DHX8: variants seen among roughly 807,000 people sequenced by gnomAD.
The protein encoded by DHX8 is ATP-dependent RNA helicase DHX8.
In DHX8, 67 loss-of-function variants were observed where a neutral mutation model predicts 140.7. The ratio of observed to expected loss-of-function variants is 0.48; its 90% CI spans 0.39 to 0.58. DHX8 has a LOEUF of 0.58. Among genes scored for constraint, DHX8 ranks in the 20% least tolerant of loss-of-function variants. The pLI is 0.00. For missense variants in DHX8, 887 were observed against 1,550.7 expected (o/e 0.57, Z 7.19); for synonymous variants, 533 against 553.2 (o/e 0.96, Z 0.51).
chr17:43,524,072 G>C lies in DHX8; in HGVS notation c.*225G>C. The C allele has an allele frequency of 1.4e-6, 2 of 1,396,248 alleles. No homozygotes were observed. Among genetic ancestry groups the C allele is most frequent in the Non-Finnish European group, 1.9e-6 (2 of 1,075,700 alleles). 86.5% of individuals were successfully genotyped at this position (1,396,248 alleles called of 1,614,324 possible). On this transcript the variant is annotated 3_prime_UTR_variant, in exon 23 of 23. Coordinates refer to ENST00000262415, the MANE Select transcript of DHX8 (RefSeq NM_004941.3). ...CCATCACCCCAAGTCCTTGGGCCCA[G>C]TTGGGAGCTCATATCTAACACAGAG...
At chr17:43,530,537 C>A (rs1017504812), downstream of DHX8, 5 of 819,718 alleles carry the variant, frequency 6.1e-6, no homozygotes, top group African/African-American at 8.7e-5. Flanking sequence ...TCGGTGTCCA[C>A]GCCTAAGACT....
intron 1 of DHX8, among the ~76,000 whole-genome samples, chr17:43,485,151 G>C (rs1968064169): frequency 6.6e-6 from 1 of 152,190 alleles, no homozygotes; most frequent in Non-Finnish European, 1.5e-5. Context: ...AGTTGTAACA[G>C]GAGCGAGGAC....
chr17:43,493,983 G>T, intron 8 of DHX8, 97 bp downstream of exon 8: 1 of 1,277,204 alleles, frequency 7.8e-7, no homozygotes, highest in Non-Finnish European at 1.1e-6. Context: ...GATAACTTTT[G>T]GCCACTGTAT....
In DHX8 at chr17:43,524,394, A is replaced by T; in HGVS notation, c.*547A>T. On this transcript the variant is annotated 3_prime_UTR_variant, in exon 23 of 23. Coordinates refer to ENST00000262415, the MANE Select transcript of DHX8 (RefSeq NM_004941.3). ...CCTGGGCTCAGGGTGAGGGAGATTTAGTATCTGTGCTCTGGCACACATGAT... is the reference window on the plus strand; with the variant it reads ...CCTGGGCTCAGGGTGAGGGAGATTTTGTATCTGTGCTCTGGCACACATGAT... The T allele has an allele frequency of 1.0e-6, 1 of 991,894 alleles. No individual in the cohort carries two copies. The highest frequency in any genetic ancestry group is 1.2e-6 in the Non-Finnish European group (1 of 833,994). 61.4% of individuals were successfully genotyped at this position (991,894 alleles called of 1,614,324 possible).
At chr17:43,529,681 G>GACAACGCA, downstream of DHX8, 1 of 1,605,000 alleles carries the variant, frequency 6.2e-7, no homozygotes, top group African/African-American at 1.3e-5. Context: ...TGTCTCCTGG[G>GACAACGCA]GAACACGAAA....
chr17:43,493,573 C>G lies in DHX8; in HGVS notation c.992C>G (p.Thr331Ser), dbSNP rs774205130. 1 of 1,614,144 alleles carries G rather than the reference C, an allele frequency of 6.2e-7. No homozygotes were observed. Among genetic ancestry groups the G allele is most frequent in the South Asian group, 1.1e-5 (1 of 91,092 alleles). The part of the protein sequence containing the change: ...VKVLSFTGTK[T>S]SLSMKDVDQE... ...GTGCTGTCCTTCACTGGGACCAAGA[C>G]CAGCCTGAGCATGAAGGTAGGTGAG... The change falls in exon 7 of 23, where the codon ACC (threonine) becomes AGC (serine). Residue 331 changes from threonine to serine, a missense_variant. By Grantham distance (58) the Thr-to-Ser change is moderately conservative (BLOSUM62 1). Coordinates refer to ENST00000262415, the MANE Select transcript of DHX8 (RefSeq NM_004941.3).
At chr17:43,523,201 G>A (rs554947993) in intron 22 of DHX8, among the ~76,000 whole-genome samples, 2 of 152,090 alleles carry the variant, frequency 1.3e-5, no homozygotes, top group Non-Finnish European at 2.9e-5. Context: ...AAACCACCAT[G>A]TTATCACAGT....
chr17:43,526,104 CAGCTG>C (rs1475594927), downstream of DHX8: 2 of 985,198 alleles, frequency 2.0e-6, no homozygotes, highest in African/African-American at 1.7e-5. Context: ...GCAATGTCAG[CAGCTG>C]AGCTGAGCCT....
chr17:43,528,510 C>T (rs570890035), downstream of DHX8: 58 of 1,586,580 alleles, frequency 3.7e-5, no homozygotes, highest in African/African-American at 5.4e-5. Context: ...GGGGAACAGC[C>T]GCTGGGGGCT....
intron 9 of DHX8, among the ~76,000 whole-genome samples, chr17:43,496,659 C>T (rs774678594): frequency 1.3e-5 from 2 of 151,872 alleles, no homozygotes; most frequent in African/African-American, 2.4e-5. Context: ...GCATGCCTAT[C>T]GTCCCAGCTA....
At chr17:43,500,788 G>A (rs1320344801) in intron 11 of DHX8, among the ~76,000 whole-genome samples, 3 of 151,950 alleles carry the variant, frequency 2.0e-5, no homozygotes, top group Non-Finnish European at 4.4e-5. Context: ...GTGCGCGCCT[G>A]TAGTCCCAGC....
chr17:43,505,406 TAAAA>T (rs546280688), intron 12 of DHX8, among the ~76,000 whole-genome samples: 1 of 140,940 alleles, frequency 7.1e-6, no homozygotes, highest in East Asian at 2.1e-4. Flanking sequence ...AGACTCTGTC[TAAAA>T]AAAAAAAAAT....
intron 3 of DHX8, chr17:43,536,524 GT>G: frequency 6.3e-7 from 1 of 1,586,560 alleles, no homozygotes; most frequent in Non-Finnish European, 8.7e-7. Flanking sequence ...AGCCCTGGTT[GT>G]CCCCTGGGAG....
downstream of DHX8, chr17:43,529,869 A>C (rs1276763169): frequency 6.2e-7 from 1 of 1,613,980 alleles, no homozygotes; most frequent in African/African-American, 1.3e-5. Flanking sequence ...TCCCATCAAC[A>C]GTCACTTCTC....
intron 19 of DHX8, 102 bp from the exon 20 acceptor site, chr17:43,520,649 G>T: frequency 1.4e-6 from 2 of 1,422,752 alleles, no homozygotes; most frequent in South Asian, 2.5e-5. Context: ...TTATGCTTTG[G>T]GAAAATCTGT....
At position 43,520,567 on chromosome 17, in the gene DHX8, C is replaced by T. The variant is rs545731915; in HGVS notation, c.2938-184C>T. On this transcript the variant is annotated intron_variant, in intron 19 of 22. Coordinates refer to ENST00000262415, the MANE Select transcript of DHX8 (RefSeq NM_004941.3). ...AGTTATATGCTTGGTCACATACATC[C>T]CGTTGGAGTTTATTTGGGAAAAGAA... is the stretch of plus-strand genomic sequence containing the variant. 2.6e-5 allele frequency among the ~76,000 whole-genome samples: 4 copies of T among 152,306 alleles called. No homozygotes were observed. In the South Asian group the frequency reaches 6.2e-4, roughly 24 times the overall value.
chr17:43,488,635 G>A (rs1968321690), intron 1 of DHX8, among the ~76,000 whole-genome samples: 1 of 151,656 alleles, frequency 6.6e-6, no homozygotes, highest in Non-Finnish European at 1.5e-5. Context: ...GAAGAACTAG[G>A]CAGGTTTGTG....
intron 6 of DHX8, 70 bp from the exon 7 acceptor site, chr17:43,493,375 G>T: frequency 1.9e-6 from 3 of 1,575,018 alleles, no homozygotes; most frequent in Non-Finnish European, 2.6e-6. Context: ...GTTAGTTCCA[G>T]TAAGGGTAGA....
At chr17:43,511,368 T>G (rs1008290722) in intron 16 of DHX8, among the ~76,000 whole-genome samples, 1 of 151,598 alleles carries the variant, frequency 6.6e-6, no homozygotes, top group Non-Finnish European at 1.5e-5. Flanking sequence ...TTTTCACTTT[T>G]GGGCTTTCTT....
Sources: allele counts gnomAD v4.1 joint callset (sites outside exome capture counted in the v4.1 genomes callset), GRCh38; gene constraint gnomAD v4.1.1; transcripts MANE v1.5; gene names NCBI Gene and HGNC (gene_info 2026-07-23, HGNC 2026-07-21).